The following WWOX variants were observed in gnomAD, a reference collection of about 807,000 sequenced individuals.
The protein encoded by WWOX is WW domain containing oxidoreductase, also known as WW domain-containing oxidoreductase.
In WWOX, 69 loss-of-function variants were observed where a neutral mutation model predicts 46.2. That is an observed-to-expected ratio of 1.49 (90% CI 1.23 to 1.82). The LOEUF is 1.82. WWOX is among the 40% of genes most tolerant of loss of function. WWOX has a pLI of 0.00. For synonymous variants in WWOX, 359 were observed against 202.6 expected, an observed-to-expected ratio of 1.77 and a Z score of -6.56; for missense variants, 919 against 542.6, an observed-to-expected ratio of 1.69 and a Z score of -6.89.
intron 8 of WWOX, among the ~76,000 whole-genome samples, chr16:79,208,148 A>T (rs1296218486): frequency 6.6e-6 from 1 of 152,182 alleles, no homozygotes; most frequent in East Asian, 1.9e-4. Flanking sequence ...AATTTTACAT[A>T]TACTCTCAAG....
intron 7 of WWOX, among the ~76,000 whole-genome samples, chr16:78,429,923 A>G (rs2083177651): frequency 6.6e-6 from 1 of 152,172 alleles, no homozygotes; most frequent in South Asian, 2.1e-4. Context: ...GACTCTCATA[A>G]AAAAGCCCAC....
chr16:78,890,985 C>T (rs2044577477), intron 8 of WWOX: 2 of 152,126 alleles, frequency 1.3e-5, no homozygotes, highest in East Asian at 1.9e-4. Flanking sequence ...TACAGTGGGC[C>T]TCATTCTGAC....
intron 8 of WWOX, among the ~76,000 whole-genome samples, chr16:78,751,812 A>G (rs961314358): frequency 2.0e-5 from 3 of 151,660 alleles, no homozygotes; most frequent in Non-Finnish European, 2.9e-5. Context: ...AAAGGAAGAG[A>G]AAGGATTTTC....
At chr16:78,992,133 A>T (rs1030861575) in intron 8 of WWOX, among the ~76,000 whole-genome samples, 5 of 152,148 alleles carry the variant, frequency 3.3e-5, no homozygotes, top group African/African-American at 1.2e-4. Flanking sequence ...GTGAAAGGTA[A>T]TCCTGTCCTT....
intron 8 of WWOX, among the ~76,000 whole-genome samples, chr16:78,762,742 C>T (rs1414235746): frequency 6.6e-6 from 1 of 152,186 alleles, no homozygotes. Flanking sequence ...AGTCCAAATT[C>T]TACTACATCC....
intron 8 of WWOX, among the ~76,000 whole-genome samples, chr16:79,155,893 T>C (rs1219652072): frequency 6.8e-6 from 1 of 147,580 alleles, no homozygotes; most frequent in Non-Finnish European, 1.5e-5. Context: ...GGAATTCCAG[T>C]TGTTTTTTTT....
In WWOX at chr16:78,162,107, T is replaced by C. The variant is rs140200216; in HGVS notation, c.410-2076T>C. ...GAAGAGCATCCTTTAGTGTTTCCTC[T>C]AGTGTGGGTCTATACGTGACACTAG... On this transcript the variant is annotated intron_variant, in intron 4 of 8. Coordinates refer to ENST00000566780, the MANE Select transcript of WWOX (RefSeq NM_016373.4). 2.7e-4 allele frequency among the ~76,000 whole-genome samples: 41 copies of C among 152,324 alleles called. 1 individual carries two copies. The East Asian group carries it at 6.6e-3, about 24-fold the overall frequency.
chr16:78,483,343 C>G (rs1410700374), intron 8 of WWOX, among the ~76,000 whole-genome samples: 1 of 151,344 alleles, frequency 6.6e-6, no homozygotes, highest in African/African-American at 2.4e-5. Context: ...TGAAAAGTCT[C>G]CCGTCTGCAG....
intron 5 of WWOX, among the ~76,000 whole-genome samples, chr16:78,214,240 G>A (rs532690074): frequency 6.6e-6 from 1 of 152,190 alleles, no homozygotes; most frequent in Non-Finnish European, 1.5e-5. Flanking sequence ...GTGCTTTCAA[G>A]ATCAGACCGA....
chr16:79,074,472 G>C (rs1410865490), intron 8 of WWOX, among the ~76,000 whole-genome samples: 1 of 113,970 alleles, frequency 8.8e-6, no homozygotes, highest in African/African-American at 3.6e-5. Flanking sequence ...GGAGAGGCTG[G>C]CTGACCCATC....
chr16:78,894,270 C>A (rs764499525), intron 8 of WWOX, among the ~76,000 whole-genome samples: 2 of 152,058 alleles, frequency 1.3e-5, no homozygotes, highest in African/African-American at 4.8e-5. Flanking sequence ...ACAACACATA[C>A]ACACACATCT....
At chr16:78,330,170 G>A (rs946234484) in intron 5 of WWOX, among the ~76,000 whole-genome samples, 1 of 151,992 alleles carries the variant, frequency 6.6e-6, no homozygotes, top group African/African-American at 2.4e-5. Context: ...TGAAGTTATA[G>A]CATACTAACA....
At chr16:78,829,169 C>G (rs1362649254) in intron 8 of WWOX, among the ~76,000 whole-genome samples, 2 of 152,118 alleles carry the variant, frequency 1.3e-5, no homozygotes, top group East Asian at 1.9e-4. Flanking sequence ...GATAGCTAGA[C>G]AGATGGACAG....
chr16:78,210,474 G>A (rs72806825), intron 5 of WWOX, among the ~76,000 whole-genome samples: 8,910 of 151,936 alleles, frequency 0.059, 328 homozygotes, highest in Non-Finnish European at 0.08. Flanking sequence ...GTTGAAACCT[G>A]ACACACACAC....
intron 8 of WWOX, among the ~76,000 whole-genome samples, chr16:78,489,854 C>G (rs2084736580): frequency 6.6e-6 from 1 of 152,108 alleles, no homozygotes; most frequent in African/African-American, 2.4e-5. Context: ...GGGTGTATCA[C>G]TGGTATGGGT....
At chr16:78,656,459 A>C (rs2047083354) in intron 8 of WWOX, among the ~76,000 whole-genome samples, 1 of 152,200 alleles carries the variant, frequency 6.6e-6, no homozygotes, top group Non-Finnish European at 1.5e-5. Flanking sequence ...GGCCTAAGGA[A>C]ACTTAAAATC....
chr16:78,746,046 G>A lies in WWOX; in HGVS notation c.1056+313294G>A, dbSNP rs149503160. Among the ~76,000 whole-genome samples, 281 of 152,222 alleles carry A rather than the reference G, an allele frequency of 1.8e-3. 1 individual carries two copies. The highest frequency in any genetic ancestry group is 6.2e-3 in the African/African-American group (257 of 41,532). On this transcript the variant is annotated intron_variant, in intron 8 of 8. Coordinates refer to ENST00000566780, the MANE Select transcript of WWOX (RefSeq NM_016373.4). ...CCATCCACAAGGAGAGGTGGAGGGG[G>A]GCTACTCTAAGAAGCCAAAATGCTC...
intron 5 of WWOX, among the ~76,000 whole-genome samples, chr16:78,207,186 G>A (rs2036421747): frequency 1.3e-5 from 2 of 152,144 alleles, no homozygotes; most frequent in Admixed American, 1.3e-4. Context: ...GATGGTCTTA[G>A]TTACCCACAT....
At chr16:78,929,217 C>T (rs62038102) in intron 8 of WWOX, among the ~76,000 whole-genome samples, 12,869 of 151,764 alleles carry the variant, frequency 0.085, 596 homozygotes, top group Non-Finnish European at 0.098. Flanking sequence ...TTCATAAACT[C>T]TTCAGTTCTG....
Sources: gnomAD v4.1 joint callset for allele counts (sites outside exome capture counted in the v4.1 genomes callset) on GRCh38, gnomAD v4.1.1 for gene constraint, MANE v1.5 for transcripts, NCBI Gene and HGNC (gene_info 2026-07-23, HGNC 2026-07-21) for gene names.